SNX25: variants seen among roughly 807,000 people sequenced by gnomAD.
SNX25 encodes the protein sorting nexin 25.
A neutral mutation model predicts 113.7 loss-of-function variants in SNX25; 62 were observed. That is an observed-to-expected ratio of 0.55 (90% CI 0.44 to 0.67). SNX25 has a LOEUF of 0.67. SNX25 is among the 30% of genes least tolerant of loss of function. SNX25 has a pLI of 0.00. For synonymous variants in SNX25, 421 were observed against 436.2 expected, an observed-to-expected ratio of 0.97 and a Z score of 0.43; for missense variants, 1,014 against 1,161.0, an observed-to-expected ratio of 0.87 and a Z score of 1.84.
chr4:185,253,455 T>G (rs1745957291), intron 2 of SNX25, among the ~76,000 whole-genome samples: 1 of 151,686 alleles, frequency 6.6e-6, no homozygotes, highest in Admixed American at 6.6e-5. Flanking sequence ...TTCAGACTTT[T>G]TTTTCTTTTC....
chr4:185,209,862 C>T lies in SNX25; in HGVS notation c.36C>T (p.Gly12=). 1 of 983,382 alleles carries T rather than the reference C, an allele frequency of 1.0e-6. No individual in the cohort carries two copies. The highest frequency in any genetic ancestry group is 1.2e-6 in the Non-Finnish European group (1 of 829,188). The allele number at this position is 983,382 out of a possible 1,614,324, so 60.9% of individuals were successfully genotyped here. A position where few individuals can be genotyped will look rare whatever the true frequency, so the allele number is the denominator to read the frequency against. Residue 12 remains glycine (G), a synonymous_variant, in exon 1 of 19, where the codon GGC becomes GGT. Transcript: ENST00000652585. This position sits in a 1 kb window ranked among gnomAD's most constrained non-coding sequence, Gnocchi z 5.2. The part of the protein sequence containing the change: ...HPDATDSGGA[G]PSPARAAGAG... ...ATGCGACCGACAGTGGCGGCGCCGG[C>T]CCCAGCCCCGCGCGGGCCGCAGGCG... is the stretch of plus-strand genomic sequence containing the variant.
At chr4:185,311,768 A>C (rs771797199) in intron 7 of SNX25, among the ~76,000 whole-genome samples, 1 of 152,072 alleles carries the variant, frequency 6.6e-6, no homozygotes, top group Admixed American at 6.5e-5. Context: ...TCCCTATTCC[A>C]GTGATCAGCC....
downstream of SNX25, among the ~76,000 whole-genome samples, chr4:185,371,508 C>G (rs530583725): frequency 6.6e-4 from 91 of 138,906 alleles, no homozygotes; most frequent in Middle Eastern, 7.9e-3. Context: ...CACCACTGCA[C>G]TCCAGCCTGG....
At chr4:185,377,200 G>A in the SNX25 span, 1 of 584,642 alleles carries the variant, frequency 1.7e-6, no homozygotes, top group East Asian at 2.9e-5. Context: ...ATGGTCACAG[G>A]CCCTAACACT....
intron 1 of SNX25, among the ~76,000 whole-genome samples, chr4:185,218,677 A>T (rs1377800184): frequency 6.6e-6 from 1 of 152,234 alleles, no homozygotes; most frequent in African/African-American, 2.4e-5. Context: ...CAAAGAGGGG[A>T]GCAAGGAATT....
chr4:185,378,625 A>C, the SNX25 span: 1 of 989,360 alleles, frequency 1.0e-6, no homozygotes. Context: ...TTTCAAATTA[A>C]AGCACTTGTC....
chr4:185,315,537 G>A (rs956822171), intron 7 of SNX25, among the ~76,000 whole-genome samples: 3 of 151,948 alleles, frequency 2.0e-5, no homozygotes, highest in Non-Finnish European at 4.4e-5. Context: ...CAGGTGATCC[G>A]CCTGCCTCTG....
At chr4:185,264,348 G>GAAA (rs1747750280) in intron 3 of SNX25, 90 bp from the exon 4 acceptor site, 6 of 1,241,312 alleles carry the variant, frequency 4.8e-6, no homozygotes, top group Non-Finnish European at 6.7e-6. Flanking sequence ...TAACCAATGT[G>GAAA]TTTCTCATTT....
intron 9 of SNX25, among the ~76,000 whole-genome samples, chr4:185,329,067 G>A (rs1359479254): frequency 6.6e-6 from 1 of 152,060 alleles, no homozygotes; most frequent in Non-Finnish European, 1.5e-5. Flanking sequence ...GATTTCATGA[G>A]GGGTGCAAGC....
intron 1 of SNX25, among the ~76,000 whole-genome samples, chr4:185,237,109 G>C (rs111700683): frequency 9.9e-5 from 15 of 151,986 alleles, no homozygotes; most frequent in African/African-American, 3.4e-4. Flanking sequence ...AAGAATAGCT[G>C]CTCCTTCCTG....
chr4:185,218,173 C>T (rs1419692311), intron 1 of SNX25, among the ~76,000 whole-genome samples: 3 of 152,318 alleles, frequency 2.0e-5, no homozygotes, highest in Non-Finnish European at 4.4e-5. Flanking sequence ...CAACCTCTGC[C>T]TCCCGGGTTC....
At chr4:185,313,180 C>T (rs2095044545) in intron 7 of SNX25, among the ~76,000 whole-genome samples, 1 of 151,858 alleles carries the variant, frequency 6.6e-6, no homozygotes, top group South Asian at 2.1e-4. Context: ...ATGTTGCTTA[C>T]AAGAAACTAA....
intron 2 of SNX25, among the ~76,000 whole-genome samples, chr4:185,250,559 C>G (rs912536225): frequency 6.6e-6 from 1 of 152,210 alleles, no homozygotes; most frequent in Non-Finnish European, 1.5e-5. Context: ...GCCTGTACCT[C>G]TAAGACTGCA....
At chr4:185,342,428 G>A (rs561682738) in intron 12 of SNX25, among the ~76,000 whole-genome samples, 7 of 152,370 alleles carry the variant, frequency 4.6e-5, no homozygotes, top group South Asian at 4.1e-4. Flanking sequence ...AGTGAAATCA[G>A]TTGTGAGTTG....
intron 7 of SNX25, among the ~76,000 whole-genome samples, chr4:185,319,175 AT>A (rs1422906253): frequency 6.7e-5 from 7 of 105,108 alleles, no homozygotes; most frequent in African/African-American, 2.6e-4. Context: ...ATTTAAATAC[AT>A]TTTCTTTGAG....
At chr4:185,269,143 C>G (rs898929388) in intron 5 of SNX25, among the ~76,000 whole-genome samples, 5 of 152,090 alleles carry the variant, frequency 3.3e-5, no homozygotes, top group Admixed American at 2.6e-4. Context: ...CAGGTTACAT[C>G]CACTCAAGTC....
intron 14 of SNX25, among the ~76,000 whole-genome samples, chr4:185,352,371 G>A (rs2095320014): frequency 6.6e-6 from 1 of 152,154 alleles, no homozygotes. Flanking sequence ...AACTGATGGT[G>A]AAAAGCAGCA....
chr4:185,290,101 A>C (rs923377897), intron 6 of SNX25, among the ~76,000 whole-genome samples: 5 of 152,112 alleles, frequency 3.3e-5, no homozygotes, highest in African/African-American at 1.2e-4. Flanking sequence ...TCTTACAAGG[A>C]TGCCAGTCAT....
chr4:185,283,882 C>G (rs1289593680), intron 5 of SNX25, among the ~76,000 whole-genome samples: 2 of 152,270 alleles, frequency 1.3e-5, no homozygotes, highest in East Asian at 3.9e-4. Context: ...TTTATGGTTT[C>G]ATTAAAAAAA....
Sources: allele counts gnomAD v4.1 joint callset (sites outside exome capture counted in the v4.1 genomes callset), GRCh38; gene constraint gnomAD v4.1.1; non-coding constraint Gnocchi (gnomAD v3.1); transcripts MANE v1.5; gene names NCBI Gene and HGNC (gene_info 2026-07-23, HGNC 2026-07-21).